MIPEP: variants seen among roughly 807,000 people sequenced by gnomAD.
MIPEP encodes mitochondrial intermediate peptidase.
MIPEP carries 79 observed loss-of-function variants against 90.3 expected under a neutral mutation model. The observed-to-expected ratio is 0.87, with a 90% confidence interval of 0.73 to 1.05. The LOEUF (loss-of-function observed/expected upper bound fraction) is 1.05. MIPEP is among the 50% of genes least tolerant of loss of function. The probability of loss-of-function intolerance (pLI) is 0.00; values close to 1 mark genes in which losing one functional copy is unlikely to be tolerated. For missense variants in MIPEP, 940 were observed against 905.6 expected (o/e 1.04, Z -0.49); for synonymous variants, 334 against 315.8 (o/e 1.06, Z -0.61).
Position 23,805,961 on chromosome 13 carries a change from C to T in MIPEP, c.1837G>A (p.Val613Ile). The T allele has an allele frequency of 1.2e-6, 2 of 1,613,928 alleles. No homozygotes were observed. Among genetic ancestry groups the T allele is most frequent in the Non-Finnish European group, 1.7e-6 (2 of 1,179,902 alleles). Residue 613 changes from valine to isoleucine, a missense_variant, in exon 16 of 19, where the codon GTT (valine) becomes ATT (isoleucine). Physicochemically the swap from Val to Ile is conservative, Grantham distance 29. Coordinates refer to ENST00000382172, the MANE Select transcript of MIPEP (RefSeq NM_005932.4). ...AATGCTGGACTCACAGTATTTGGAA[C>T]ATATGGTAGGCCATAGAATTTCTCT... Reference protein sequence around the residue: ...TQEKFYGLPYVPNTAWQLRFS... With the variant: ...TQEKFYGLPYIPNTAWQLRFS...
rs537720104 is a variant in MIPEP, at chr13:23,857,190, AG to A, written c.1106+1669del. 7.2e-5 allele frequency among the ~76,000 whole-genome samples: 11 copies of A among 152,278 alleles called. No individual in the cohort carries two copies. In the South Asian group the frequency reaches 2.3e-3, roughly 32 times the overall value. On this transcript the variant is annotated intron_variant, in intron 10 of 18. Transcript: ENST00000382172. ...ACATTTTATTTTTTAATGCAACTAT[AG>A]GGAGCAGGGTTTCAAGTTCTGCAAC... is the stretch of plus-strand genomic sequence containing the variant.
At chr13:23,821,803 T>C (rs891529245) in intron 14 of MIPEP, among the ~76,000 whole-genome samples, 2 of 152,254 alleles carry the variant, frequency 1.3e-5, no homozygotes, top group Admixed American at 6.5e-5. Flanking sequence ...TAATACCTAA[T>C]ACAAAGTAGC....
intron 16 of MIPEP, chr13:23,760,548 G>A (rs2138516784): frequency 5.4e-6 from 3 of 555,562 alleles, no homozygotes; most frequent in Middle Eastern, 3.1e-4. Context: ...TCTTGGAAGA[G>A]GAGGAAAGGT....
chr13:23,774,193 C>T (rs1325971603), intron 16 of MIPEP, among the ~76,000 whole-genome samples: 3 of 152,002 alleles, frequency 2.0e-5, no homozygotes, highest in Non-Finnish European at 2.9e-5. Context: ...AATTCTTTCC[C>T]CAATTAGTTG....
intron 10 of MIPEP, 25 bp from the exon 11 acceptor site, chr13:23,841,513 C>A: frequency 6.4e-7 from 1 of 1,573,702 alleles, no homozygotes; most frequent in South Asian, 1.2e-5. Flanking sequence ...AGAGGTTCAA[C>A]AGCATCTTTG....
intron 14 of MIPEP, among the ~76,000 whole-genome samples, chr13:23,813,741 A>G (rs1222570779): frequency 6.6e-6 from 1 of 152,172 alleles, no homozygotes; most frequent in Non-Finnish European, 1.5e-5. Context: ...CTAAGACTAC[A>G]GGCATGAGCC....
chr13:23,843,157 T>C (rs1869380221), intron 10 of MIPEP, among the ~76,000 whole-genome samples: 1 of 135,710 alleles, frequency 7.4e-6, no homozygotes, highest in Non-Finnish European at 1.6e-5. Flanking sequence ...GGATGAGGAA[T>C]GGAAAATGGG....
At chr13:23,827,715 T>C (rs73450255) in intron 14 of MIPEP, among the ~76,000 whole-genome samples, 2,391 of 152,292 alleles carry the variant, frequency 0.016, 87 homozygotes, top group African/African-American at 0.055. Context: ...GTGGATCAAC[T>C]GGGGTCAGGA....
chr13:23,747,991 G>A (rs899632131), intron 18 of MIPEP, among the ~76,000 whole-genome samples: 6 of 152,048 alleles, frequency 3.9e-5, no homozygotes, highest in South Asian at 4.1e-4. Context: ...AGCCCGCCTC[G>A]GCTTCCCAAA....
intron 16 of MIPEP, among the ~76,000 whole-genome samples, chr13:23,800,574 G>T (rs951235971): frequency 2.0e-5 from 3 of 152,162 alleles, no homozygotes; most frequent in Non-Finnish European, 4.4e-5. Context: ...GGAATAGCAA[G>T]TAAGTACAAA....
intron 18 of MIPEP, among the ~76,000 whole-genome samples, chr13:23,752,275 T>C (rs1952449929): frequency 6.6e-6 from 1 of 152,236 alleles, no homozygotes; most frequent in African/African-American, 2.4e-5. Context: ...GCATGAGTAA[T>C]ACAATTGCCA....
chr13:23,868,875 C>G (rs919813638), intron 7 of MIPEP, among the ~76,000 whole-genome samples: 5 of 152,188 alleles, frequency 3.3e-5, no homozygotes, highest in Non-Finnish European at 5.9e-5. Context: ...GTACTCTTCT[C>G]TCTGAAAAGG....
intron 7 of MIPEP, among the ~76,000 whole-genome samples, chr13:23,868,264 G>T (rs1870626245): frequency 6.6e-6 from 1 of 152,168 alleles, no homozygotes; most frequent in African/African-American, 2.4e-5. Context: ...AAGAAAAGCT[G>T]CTCTCCATAG....
intron 10 of MIPEP, among the ~76,000 whole-genome samples, chr13:23,857,292 A>G (rs1593194182): frequency 6.6e-6 from 1 of 152,242 alleles, no homozygotes; most frequent in Non-Finnish European, 1.5e-5. Context: ...TAGACTTTGA[A>G]TAACAGTTTA....
intron 10 of MIPEP, among the ~76,000 whole-genome samples, chr13:23,846,393 A>C (rs1284295547): frequency 6.6e-6 from 1 of 152,188 alleles, no homozygotes; most frequent in Non-Finnish European, 1.5e-5. Flanking sequence ...GTCAGTTTAA[A>C]ATGCAAAGAT....
chr13:23,781,589 A>G (rs935129526), intron 16 of MIPEP, among the ~76,000 whole-genome samples: 5 of 152,202 alleles, frequency 3.3e-5, no homozygotes, highest in African/African-American at 1.2e-4. Flanking sequence ...GACAGGATCA[A>G]ATTCACACAT....
At chr13:23,764,345 G>GCCCT (rs1475137187) in intron 16 of MIPEP, among the ~76,000 whole-genome samples, 4 of 152,182 alleles carry the variant, frequency 2.6e-5, no homozygotes, top group African/African-American at 9.7e-5. Context: ...TAGAACTTCA[G>GCCCT]AGAATGGAAG....
rs751113169 is a variant in MIPEP at position 23,805,939 on chromosome 13, G to A, written c.1848+11C>T. ...TCAATACACAAAACAGAAGCCAAAT[G>A]CTGGACTCACAGTATTTGGAACATA... On this transcript the variant is annotated intron_variant, in intron 16 of 18. Transcript: ENST00000382172. 3 of 1,613,158 alleles carry A rather than the reference G, an allele frequency of 1.9e-6. No homozygotes were observed. In the South Asian group the frequency reaches 3.3e-5, roughly 18 times the overall value.
intron 14 of MIPEP, among the ~76,000 whole-genome samples, chr13:23,830,466 C>T (rs914178297): frequency 6.6e-6 from 1 of 151,386 alleles, no homozygotes; most frequent in Non-Finnish European, 1.5e-5. Context: ...CAGAGAAGAG[C>T]ATGTGGTAAT....
Sources: allele counts gnomAD v4.1 joint callset (sites outside exome capture counted in the v4.1 genomes callset), GRCh38; gene constraint gnomAD v4.1.1; transcripts MANE v1.5; gene names NCBI Gene and HGNC (gene_info 2026-07-23, HGNC 2026-07-21).